SCD: variants seen among roughly 807,000 people sequenced by gnomAD.
SCD encodes the protein acyl-CoA desaturase.
Under a neutral mutation model 35.7 loss-of-function variants are expected in SCD, and 4 were observed. The ratio of observed to expected loss-of-function variants is 0.11; its 90% confidence interval spans 0.06 to 0.26. The LOEUF (loss-of-function observed/expected upper bound fraction) is 0.26, where lower values mean the gene tolerates loss of function less well. SCD is among the 10% of genes least tolerant of loss of function. The pLI is 1.00. For synonymous variants in SCD, 150 were observed against 170.2 expected, an observed-to-expected ratio of 0.88 and a Z score of 0.92; for missense variants, 282 against 460.7, an observed-to-expected ratio of 0.61 and a Z score of 3.55.
chr10:100,360,461 G>T lies in SCD; in HGVS notation c.881-273G>T, dbSNP rs375930474. Among the ~76,000 whole-genome samples, 18 of 152,194 alleles carry T rather than the reference G, an allele frequency of 1.2e-4. No individual in the cohort carries two copies. The East Asian group carries it at 3.5e-3, about 29-fold the overall frequency. ...ATGCCTTTGACTGGCTGGGCGCAGT[G>T]ACTCATGACTGTAATCCTAGCACTT... On this transcript the variant is annotated intron_variant, in intron 5 of 5. Coordinates refer to ENST00000370355, the MANE Select transcript of SCD (RefSeq NM_005063.5).
In SCD at chr10:100,356,262, A is replaced by G. The variant is rs1251119583; in HGVS notation, c.648-270A>G. Among the ~76,000 whole-genome samples the G allele has an allele frequency of 5.3e-5, 8 of 152,298 alleles. No homozygotes were observed. The highest frequency in any genetic ancestry group is 1.7e-4 in the African/African-American group (7 of 41,568). On this transcript the variant is annotated intron_variant, in intron 4 of 5. Coordinates refer to ENST00000370355, the MANE Select transcript of SCD (RefSeq NM_005063.5). This position sits in a 1 kb window ranked among gnomAD's most constrained non-coding sequence, Gnocchi z 4.1. ...CACGATGGTTCATGCCTGTGGTCCC[A>G]GCTACTCAGGAGGCTGGGGTGGGAG... is the stretch of plus-strand genomic sequence containing the variant.
At position 100,352,340 on chromosome 10, in the gene SCD, A is replaced by G; in HGVS notation, c.311-26A>G. 6.2e-7 allele frequency: 1 copy of G among 1,608,536 alleles called. No individual in the cohort carries two copies. On this transcript the variant is annotated intron_variant, in intron 2 of 5. Coordinates refer to ENST00000370355, the MANE Select transcript of SCD (RefSeq NM_005063.5). The surrounding 1 kb of genome is among the most constrained non-coding windows in gnomAD (Gnocchi z 4.2). ...CAGATGGAACTCACACTGATTGGTG[A>G]CTCCCCCACTGTCTTCTCCTGGCAG...
At chr10:100,349,394 C>T (rs946638968) in intron 2 of SCD, among the ~76,000 whole-genome samples, 5 of 152,208 alleles carry the variant, frequency 3.3e-5, no homozygotes, top group African/African-American at 1.2e-4. Context: ...CTGCTACTCT[C>T]TAAGGGGTGG....
At chr10:100,357,545 A>G (rs1334443955) in intron 5 of SCD, among the ~76,000 whole-genome samples, 8 of 152,194 alleles carry the variant, frequency 5.3e-5, no homozygotes, top group Non-Finnish European at 1.2e-4. Context: ...CCTTCCCCCA[A>G]CATGCCTTCA....
At chr10:100,360,018 C>T (rs1849973683) in intron 5 of SCD, among the ~76,000 whole-genome samples, 1 of 152,164 alleles carries the variant, frequency 6.6e-6, no homozygotes, top group South Asian at 2.1e-4. Flanking sequence ...ATCAGCACCT[C>T]CCCCACACCA....
At chr10:100,353,563 C>T (rs1277302528) in intron 3 of SCD, among the ~76,000 whole-genome samples, 1 of 121,972 alleles carries the variant, frequency 8.2e-6, no homozygotes, top group Non-Finnish European at 1.6e-5. Context: ...CCAGCCTGGG[C>T]AACAGCAAGA....
intron 5 of SCD, among the ~76,000 whole-genome samples, chr10:100,359,809 G>T (rs1268659586): frequency 2.6e-5 from 4 of 152,168 alleles, no homozygotes; most frequent in Non-Finnish European, 4.4e-5. Context: ...TTTGGCTGTG[G>T]TTCAGAAAGA....
rs944457451 is a variant in SCD at position 100,356,498 on chromosome 10, C to T, written c.648-34C>T. On this transcript the variant is annotated intron_variant, in intron 4 of 5. Transcript: ENST00000370355. The surrounding 1 kb of genome is among the most constrained non-coding windows in gnomAD (Gnocchi z 4.1). ...AGATCCATGTAGGTGTGGAGTCCCC[C>T]TCCATTGACCTGGTGTCTGGTCTGT... 6.5e-7 allele frequency: 1 copy of T among 1,526,902 alleles called. No individual in the cohort carries two copies. The highest frequency in any genetic ancestry group is 2.2e-5 in the East Asian group (1 of 44,476). 94.6% of individuals were successfully genotyped at this position (1,526,902 alleles called of 1,614,324 possible).
At chr10:100,351,717 C>T (rs187041196) in intron 2 of SCD, among the ~76,000 whole-genome samples, 17 of 152,146 alleles carry the variant, frequency 1.1e-4, no homozygotes, top group African/African-American at 3.4e-4. Flanking sequence ...CTTGGCTCAC[C>T]GCAGCCTCGA....
intron 5 of SCD, among the ~76,000 whole-genome samples, chr10:100,358,235 A>G (rs1009424509): frequency 1.4e-4 from 21 of 152,128 alleles, no homozygotes; most frequent in Non-Finnish European, 2.5e-4. Context: ...TCCTGAGCTC[A>G]AGTGATCTTC....
At chr10:100,349,224 C>A (rs1333248385) in intron 2 of SCD, among the ~76,000 whole-genome samples, 1 of 152,254 alleles carries the variant, frequency 6.6e-6, no homozygotes, top group Non-Finnish European at 1.5e-5. Flanking sequence ...CCCCGACCTG[C>A]CCTTAGCTCA....
At chr10:100,349,177 G>C (rs1258530637) in intron 2 of SCD, among the ~76,000 whole-genome samples, 1 of 152,238 alleles carries the variant, frequency 6.6e-6, no homozygotes, top group East Asian at 1.9e-4. Flanking sequence ...GCCCGGTCTT[G>C]AGGCTGCTGT....
At chr10:100,348,025 T>C in intron 1 of SCD, 39 bp from the exon 2 acceptor site, 1 of 1,597,850 alleles carries the variant, frequency 6.3e-7, no homozygotes. Context: ...TGCCTCCACG[T>C]GTCTCTTCTC....
In SCD at chr10:100,354,457, C is replaced by T; in HGVS notation, c.472C>T (p.Arg158Cys). The part of the protein sequence containing the change: ...NDVYEWARDH[R>C]AHHKFSETHA... Reference sequence around the variant, plus strand: ...TGTCTATGAATGGGCTCGTGACCACCGTGCCCACCACAAGTTTTCAGAAAC... The same window carrying T: ...TGTCTATGAATGGGCTCGTGACCACTGTGCCCACCACAAGTTTTCAGAAAC... The change falls in exon 4 of 6, where the codon CGT becomes TGT. Residue 158 changes from arginine (R) to cysteine (C), a missense_variant. Transcript: ENST00000370355. The T allele has an allele frequency of 1.2e-6, 2 of 1,613,974 alleles. No homozygotes were observed. The highest frequency in any genetic ancestry group is 1.7e-6 in the Non-Finnish European group (2 of 1,179,854).
intron 5 of SCD, 61 bp from the exon 6 acceptor site, chr10:100,360,673 G>A (rs1262876289): frequency 6.9e-7 from 1 of 1,447,302 alleles, no homozygotes; most frequent in Non-Finnish European, 9.7e-7. Context: ...GCTAACTGGT[G>A]TGCACAAATC....
At chr10:100,357,670 C>T (rs1317706594) in intron 5 of SCD, among the ~76,000 whole-genome samples, 1 of 151,586 alleles carries the variant, frequency 6.6e-6, no homozygotes, top group Non-Finnish European at 1.5e-5. Context: ...CTTTTCCTTT[C>T]TTTTCTAATG....
In SCD at chr10:100,356,518, G is replaced by A; in HGVS notation, c.648-14G>A. ...TCCCCCTCCATTGACCTGGTGTCTG[G>A]TCTGTCAATGTAGGTACTACAAACC... On this transcript the variant is annotated splice_polypyrimidine_tract_variant and intron_variant, in intron 4 of 5. Coordinates refer to ENST00000370355, the MANE Select transcript of SCD (RefSeq NM_005063.5). This position sits in a 1 kb window ranked among gnomAD's most constrained non-coding sequence, Gnocchi z 4.1. 1 of 1,600,932 alleles carries A rather than the reference G, an allele frequency of 6.2e-7. No individual in the cohort carries two copies. The highest frequency in any genetic ancestry group is 1.1e-5 in the South Asian group (1 of 90,826).
chr10:100,353,386 T>C lies in SCD; in HGVS notation c.441+890T>C, dbSNP rs562449823. On this transcript the variant is annotated intron_variant, in intron 3 of 5. Coordinates refer to ENST00000370355, the MANE Select transcript of SCD (RefSeq NM_005063.5). ...AGATCACAAGGTCAGGAGATCAAGA[T>C]CATCCTGGCTAACACAGTGAAACTC... Among the ~76,000 whole-genome samples, 30 of 152,082 alleles carry C rather than the reference T, an allele frequency of 2.0e-4. No homozygotes were observed. In the South Asian group the frequency reaches 3.5e-3, roughly 18 times the overall value.
intron 2 of SCD, among the ~76,000 whole-genome samples, chr10:100,349,842 G>A (rs1210449839): frequency 6.6e-6 from 1 of 152,060 alleles, no homozygotes; most frequent in Non-Finnish European, 1.5e-5. Flanking sequence ...GCTGAGGGAT[G>A]AGGAGCAGGG....
Sources: gnomAD v4.1 joint callset for allele counts (sites outside exome capture counted in the v4.1 genomes callset) on GRCh38, gnomAD v4.1.1 for gene constraint, Gnocchi (gnomAD v3.1) non-coding constraint, MANE v1.5 for transcripts, NCBI Gene and HGNC (gene_info 2026-07-23, HGNC 2026-07-21) for gene names.